The following ABCB11 variants were observed in gnomAD, a reference collection of about 807,000 sequenced individuals.
ABCB11 encodes ATP binding cassette subfamily B member 11.
Under a neutral mutation model 148.0 loss-of-function variants are expected in ABCB11, and 95 were observed. The observed-to-expected ratio is 0.64, with a 90% CI of 0.54 to 0.76. The LOEUF is 0.76. Among genes scored for constraint, ABCB11 ranks in the 30% least tolerant of loss-of-function variants. The pLI is 0.00. For synonymous variants in ABCB11, 591 were observed against 555.4 expected (o/e 1.06, Z -0.90); for missense variants, 1,523 against 1,617.8 (o/e 0.94, Z 1.01).
At chr2:168,995,606 C>G (rs905132602) in intron 6 of ABCB11, 124 bp from the exon 7 acceptor site, 2 of 1,055,968 alleles carry the variant, frequency 1.9e-6, no homozygotes, top group Non-Finnish European at 2.7e-6. Context: ...CAGAAAATGC[C>G]TCTTCTTGGG....
intron 10 of ABCB11, among the ~76,000 whole-genome samples, chr2:168,982,760 C>T (rs751782288): frequency 1.6e-4 from 24 of 151,866 alleles, no homozygotes; most frequent in Non-Finnish European, 3.1e-4. Context: ...GAAGTGTGGC[C>T]AAGACCTGAG....
chr2:169,021,745 TTAATTA>T (rs953860275), intron 1 of ABCB11, among the ~76,000 whole-genome samples: 2 of 152,088 alleles, frequency 1.3e-5, no homozygotes, highest in African/African-American at 2.4e-5. Flanking sequence ...AAATATATAT[TTAATTA>T]TAATTGTAAC....
chr2:168,926,827 T>C (rs77755297), intron 26 of ABCB11, among the ~76,000 whole-genome samples: 1,782 of 152,304 alleles, frequency 0.012, 27 homozygotes, highest in African/African-American at 0.04. Flanking sequence ...TATAATGAGA[T>C]ACCCTGGGGA....
chr2:168,961,947 T>C (rs754057904), intron 18 of ABCB11, among the ~76,000 whole-genome samples: 3 of 151,734 alleles, frequency 2.0e-5, no homozygotes, highest in Non-Finnish European at 3.0e-5. Context: ...TCACCAATGC[T>C]TGGGCTTGTG....
intron 18 of ABCB11, among the ~76,000 whole-genome samples, chr2:168,961,189 A>G (rs750299202): frequency 1.4e-4 from 21 of 151,766 alleles, no homozygotes; most frequent in Admixed American, 4.6e-4. Context: ...TGATGCATTC[A>G]TAGTTCAATG....
At chr2:168,935,786 C>T (rs1424919794) in intron 22 of ABCB11, among the ~76,000 whole-genome samples, 2 of 152,152 alleles carry the variant, frequency 1.3e-5, no homozygotes, top group African/African-American at 4.8e-5. Context: ...AGACACTTGC[C>T]CCAAGCCTGG....
chr2:168,934,757 C>T lies in ABCB11; in HGVS notation c.3056+427G>A, dbSNP rs62175060. On this transcript the variant is annotated intron_variant, in intron 23 of 27. Transcript: ENST00000650372. ...CCCTTTGCAACATGGCTTTTTTACTCCTCTCATCAAAAAGTGGATTCTATT... is the reference window on the plus strand; with the variant it reads ...CCCTTTGCAACATGGCTTTTTTACTTCTCTCATCAAAAAGTGGATTCTATT... Among the ~76,000 whole-genome samples, 834 of 152,268 alleles carry T rather than the reference C, an allele frequency of 5.5e-3. 5 individuals carry two copies. Among genetic ancestry groups the T allele is most frequent in the Non-Finnish European group, 8.8e-3 (600 of 68,028 alleles).
At chr2:169,014,828 C>A (rs1329623522) in intron 3 of ABCB11, among the ~76,000 whole-genome samples, 1 of 152,116 alleles carries the variant, frequency 6.6e-6, no homozygotes, top group Non-Finnish European at 1.5e-5. Flanking sequence ...TTCATAGAAT[C>A]ATATTTCCTT....
chr2:168,989,403 G>T (rs561560289), intron 9 of ABCB11, among the ~76,000 whole-genome samples: 1 of 152,166 alleles, frequency 6.6e-6, no homozygotes, highest in South Asian at 2.1e-4. Context: ...ATGGTGTGTT[G>T]TTGGTCTCTT....
rs1181302767 is a variant in ABCB11 at position 169,013,279 on chromosome 2, G to A, written c.382C>T (p.Arg128Cys). 8.1e-6 allele frequency: 13 copies of A among 1,605,982 alleles called. No homozygotes were observed. The highest frequency in any genetic ancestry group is 1.3e-5 in the African/African-American group (1 of 74,752). The change falls in exon 5 of 28, where the codon CGT becomes TGT. Residue 128 changes from arginine to cysteine, a missense_variant. By Grantham distance (180) the Arg-to-Cys change is radical (BLOSUM62 -3). Transcript: ENST00000650372. ...AAAACAAAAACAACCTACCCACAAC[G>A]TGTTCCATTTGTCATGTTCTGGTTG... Reference protein sequence around the residue: ...SLNQNMTNGTRCGLLNIESEM... With the variant: ...SLNQNMTNGTCCGLLNIESEM...
At chr2:168,917,537 T>C (rs1373659468), downstream of ABCB11, among the ~76,000 whole-genome samples, 3 of 152,232 alleles carry the variant, frequency 2.0e-5, no homozygotes, top group South Asian at 2.1e-4. Flanking sequence ...CACTGGTGAA[T>C]CAAATAAAAT....
chr2:168,953,451 T>TC (rs1432323287), intron 19 of ABCB11, among the ~76,000 whole-genome samples: 2 of 99,184 alleles, frequency 2.0e-5, no homozygotes, highest in Admixed American at 1.0e-4. Flanking sequence ...AATTATCTTG[T>TC]CTTTTTTTTT....
rs13419622 is a variant in ABCB11 at position 168,993,585 on chromosome 2, A to T, written c.783+126T>A. 14,205 of 840,740 alleles carry T rather than the reference A, an allele frequency of 0.017. 1,286 individuals are homozygous for T. The African/African-American group carries it at 0.21, about 12-fold the overall frequency. 52.1% of individuals were successfully genotyped at this position (840,740 alleles called of 1,614,324 possible). A position where few individuals can be genotyped will look rare whatever the true frequency, so the allele number is the denominator to read the frequency against. On this transcript the variant is annotated intron_variant, in intron 8 of 27. Transcript: ENST00000650372. ...TTGACACTGGGGAGTAATCTAACAA[A>T]CTACATGAAGATAGTGATAATTATG...
At chr2:168,944,006 G>A (rs1030981203) in intron 21 of ABCB11, among the ~76,000 whole-genome samples, 5 of 151,948 alleles carry the variant, frequency 3.3e-5, no homozygotes, top group African/African-American at 1.2e-4. Context: ...CAAACACCTG[G>A]TTTTGTAAAA....
At chr2:168,915,578 A>G (rs1167228470) in exon 3 of ABCB11, among the ~76,000 whole-genome samples, 1 of 152,222 alleles carries the variant, frequency 6.6e-6, no homozygotes, top group East Asian at 1.9e-4. Context: ...CAGGCAACCC[A>G]GGCTGAAGTA....
intron 21 of ABCB11, among the ~76,000 whole-genome samples, chr2:168,938,166 CA>C (rs1691910810): frequency 1.3e-5 from 2 of 152,164 alleles, no homozygotes; most frequent in South Asian, 4.1e-4. Flanking sequence ...AATTGTGTCC[CA>C]AAGCATTCCC....
rs759162499 is a variant in ABCB11, at chr2:168,970,177, C to T, written c.1677G>A (p.Met559Ile). The T allele has an allele frequency of 6.2e-7, 1 of 1,612,606 alleles. No homozygotes were observed. Among genetic ancestry groups the T allele is most frequent in the East Asian group, 2.2e-5 (1 of 44,738 alleles). ...DTLVGEGGGQ[M>I]SGGQKQRVAI... ...CTACCCTTTGTTTCTGGCCACCACT[C>T]ATCTGGCCTCCTCCTTCTCCAACAA... Residue 559 changes from methionine to isoleucine, a missense_variant, in exon 15 of 28, where the codon ATG becomes ATA. Physicochemically the swap from Met to Ile is conservative, Grantham distance 10 (BLOSUM62 1). Transcript: ENST00000650372.
chr2:168,925,443 A>G (rs1691264803), intron 26 of ABCB11, among the ~76,000 whole-genome samples: 1 of 152,230 alleles, frequency 6.6e-6, no homozygotes, highest in Admixed American at 6.5e-5. Flanking sequence ...GTTAACATTC[A>G]TAGAGTGTTT....
chr2:168,974,329 A>G (rs1693720567), intron 12 of ABCB11, among the ~76,000 whole-genome samples: 1 of 152,016 alleles, frequency 6.6e-6, no homozygotes, highest in African/African-American at 2.4e-5. Context: ...ATTTGAATAA[A>G]CTTACTTAAT....
Sources: allele counts gnomAD v4.1 joint callset (sites outside exome capture counted in the v4.1 genomes callset), GRCh38; gene constraint gnomAD v4.1.1; transcripts MANE v1.5; gene names NCBI Gene and HGNC (gene_info 2026-07-23, HGNC 2026-07-21).